Variants in EDEM1 observed in about 807,000 individuals in gnomAD.
The protein encoded by EDEM1 is ER degradation enhancing alpha-mannosidase like protein 1.
Under a neutral mutation model 74.4 loss-of-function variants are expected in EDEM1, and 67 were observed. That is an observed-to-expected ratio of 0.90 (90% CI 0.74 to 1.10). EDEM1 has a LOEUF of 1.10. EDEM1 is among the 50% of genes least tolerant of loss of function. The pLI is 0.00. For synonymous variants in EDEM1, 382 were observed against 335.9 expected (o/e 1.14, Z -1.50); for missense variants, 926 against 851.6 (o/e 1.09, Z -1.09).
At chr3:5,208,045 C>G (rs766152499) in intron 7 of EDEM1, 48 bp from the exon 8 acceptor site, 22 of 1,517,394 alleles carry the variant, frequency 1.4e-5, no homozygotes, top group Non-Finnish European at 1.9e-5. Flanking sequence ...CATGTCTTGT[C>G]ACTCTAGGAA....
rs145423678 is a variant in EDEM1 at position 5,215,729 on chromosome 3, T to C, written c.1885-100T>C. On this transcript the variant is annotated intron_variant, in intron 11 of 11. Coordinates refer to ENST00000256497, the MANE Select transcript of EDEM1 (RefSeq NM_014674.3). ...CACAACAGTTACTTCCAAACGTCAG[T>C]AGTTCACAGGCTGAGAAACCCTGGA... 1.6e-4 allele frequency: 171 copies of C among 1,087,408 alleles called. 1 individual carries two copies. The East Asian group carries it at 3.6e-3, about 23-fold the overall frequency. The allele number at this position is 1,087,408 out of a possible 1,614,324, so 67.4% of individuals were successfully genotyped here. A position where few individuals can be genotyped will look rare whatever the true frequency, so the allele number is the denominator to read the frequency against.
At position 5,195,327 on chromosome 3, in the gene EDEM1, A is replaced by C. The variant is rs369162205; in HGVS notation, c.582+46A>C. On this transcript the variant is annotated intron_variant, in intron 2 of 11. Transcript: ENST00000256497. ...AAAAAAATGAATTAAGATGTTTTAGAGTTGATTATCCCTAGTTCCCTCCAG... is the reference window on the plus strand; with the variant it reads ...AAAAAAATGAATTAAGATGTTTTAGCGTTGATTATCCCTAGTTCCCTCCAG... The C allele has an allele frequency of 4.1e-5, 53 of 1,285,148 alleles. No individual in the cohort carries two copies. In the African/African-American group the frequency reaches 6.6e-4, roughly 16 times the overall value. 79.6% of individuals were successfully genotyped at this position (1,285,148 alleles called of 1,614,324 possible).
intron 6 of EDEM1, 134 bp downstream of exon 6, chr3:5,205,375 G>T: frequency 1.1e-6 from 1 of 884,312 alleles, no homozygotes; most frequent in Non-Finnish European, 1.7e-6. Context: ...CTCCTAGTTT[G>T]TCAGTCATCT....
At chr3:5,213,590 T>C in intron 11 of EDEM1, 68 bp downstream of exon 11, 2 of 1,445,396 alleles carry the variant, frequency 1.4e-6, no homozygotes, top group South Asian at 1.4e-5. Flanking sequence ...TGCTTAGTTG[T>C]TCAGACTTCC....
At chr3:5,213,935 C>T (rs1335603438) in intron 11 of EDEM1, among the ~76,000 whole-genome samples, 5 of 152,112 alleles carry the variant, frequency 3.3e-5, no homozygotes, top group East Asian at 3.9e-4. Flanking sequence ...AGCTGGAGGC[C>T]GAGGGAGCCT....
At chr3:5,200,297 T>A (rs373831564) in intron 3 of EDEM1, among the ~76,000 whole-genome samples, 18 of 152,300 alleles carry the variant, frequency 1.2e-4, no homozygotes, top group African/African-American at 4.1e-4. Flanking sequence ...TGGTTTCCCT[T>A]TATAGTCTGA....
chr3:5,211,049 T>TTTCTGC (rs1178023150), intron 9 of EDEM1, 71 bp from the exon 10 acceptor site: 39 of 1,348,538 alleles, frequency 2.9e-5, no homozygotes, highest in Non-Finnish European at 3.9e-5. Context: ...TAAGAGAATG[T>TTTCTGC]TTCTGCTTCT....
chr3:5,188,504 C>G, intron 1 of EDEM1, 190 bp downstream of exon 1: 1 of 529,034 alleles, frequency 1.9e-6, no homozygotes, highest in Non-Finnish European at 2.9e-6. Context: ...CGGGGTGGGC[C>G]GGTGGCCTTC....
At position 5,203,168 on chromosome 3, in the gene EDEM1, C is replaced by T. The variant is rs112221106; in HGVS notation, c.1042+19C>T. The stretch of plus-strand genomic sequence containing the variant: ...TTACTAGGTGTGGCACCTTTCCTCG[C>T]CATTGGGACTGCACACTGCTTGGTC... On this transcript the variant is annotated intron_variant, in intron 5 of 11. Coordinates refer to ENST00000256497, the MANE Select transcript of EDEM1 (RefSeq NM_014674.3). The T allele has an allele frequency of 2.5e-5, 39 of 1,539,192 alleles. No individual in the cohort carries two copies. The African/African-American group carries it at 4.8e-4, about 19-fold the overall frequency.
At chr3:5,209,800 G>A (rs1015574964) in intron 8 of EDEM1, among the ~76,000 whole-genome samples, 5 of 152,166 alleles carry the variant, frequency 3.3e-5, no homozygotes, top group African/African-American at 1.2e-4. Flanking sequence ...TCTTTCCTGT[G>A]CCTGTGTCTT....
At chr3:5,198,662 CTTTTTTTTTTT>C (rs57260414) in intron 2 of EDEM1, among the ~76,000 whole-genome samples, 1 of 75,160 alleles carries the variant, frequency 1.3e-5, no homozygotes, top group African/African-American at 4.6e-5. Flanking sequence ...ACGTATATAG[CTTTTTTTTTTT>C]TTTTTTTTTT....
rs933243882 is a variant in EDEM1, at chr3:5,219,480, T to G, written c.*3562T>G. 6.6e-6 allele frequency: 1 copy of G among 152,122 alleles called. No homozygotes were observed. The highest frequency in any genetic ancestry group is 2.4e-5 in the African/African-American group (1 of 41,430). 9.4% of individuals were successfully genotyped at this position (152,122 alleles called of 1,614,324 possible). ...GAGGTGGGACGGGCTGGGCCCTGTG[T>G]CCCAGGTTTCACAGGGCTCAGGGTT... On this transcript the variant is annotated 3_prime_UTR_variant, in exon 12 of 12. Coordinates refer to ENST00000256497, the MANE Select transcript of EDEM1 (RefSeq NM_014674.3).
rs1156615982 is a variant in EDEM1, at chr3:5,189,989, GT to G, written c.509+1685del. 7.5e-4 allele frequency among the ~76,000 whole-genome samples: 58 copies of G among 77,386 alleles called. 1 individual carries two copies. The highest frequency in any genetic ancestry group is 1.9e-3 in the South Asian group (5 of 2,682). 50.8% of individuals were successfully genotyped at this position (77,386 alleles called of 152,430 possible). A position where few individuals can be genotyped will look rare whatever the true frequency, so the allele number is the denominator to read the frequency against. On this transcript the variant is annotated intron_variant, in intron 1 of 11. Coordinates refer to ENST00000256497, the MANE Select transcript of EDEM1 (RefSeq NM_014674.3). The stretch of plus-strand genomic sequence containing the variant: ...ACCTATAAATGTATTTTCTTTCTTA[GT>G]TTTTTTTTTGGGGGGGGGGATAAAC...
intron 9 of EDEM1, 46 bp from the exon 10 acceptor site, chr3:5,211,074 G>T (rs1575591618): frequency 1.3e-6 from 2 of 1,550,662 alleles, no homozygotes; most frequent in East Asian, 2.2e-5. Flanking sequence ...TGAATCAGCA[G>T]GTGGGAAGGA....
chr3:5,213,283 A>T, intron 10 of EDEM1, 36 bp from the exon 11 acceptor site: 1 of 1,589,734 alleles, frequency 6.3e-7, no homozygotes, highest in South Asian at 1.1e-5. Flanking sequence ...AGTGTGCTAC[A>T]ATTATTGGTT....
rs1236533153 is a variant in EDEM1, at chr3:5,219,741, G to A, written c.*3823G>A. ...AGTTGGAAACTCTGGGAAAACTTAC[G>A]GAAATACACAAATGCTTCTCTGTAA... On this transcript the variant is annotated 3_prime_UTR_variant, in exon 12 of 12. Coordinates refer to ENST00000256497, the MANE Select transcript of EDEM1 (RefSeq NM_014674.3). The A allele has an allele frequency of 7.9e-5, 12 of 152,546 alleles. No homozygotes were observed. Among genetic ancestry groups the A allele is most frequent in the African/African-American group, 2.7e-4 (11 of 41,422 alleles). 9.4% of individuals were successfully genotyped at this position (152,546 alleles called of 1,614,324 possible).
intron 3 of EDEM1, 46 bp downstream of exon 3, chr3:5,199,741 T>A (rs776258419): frequency 6.5e-7 from 1 of 1,539,932 alleles, no homozygotes; most frequent in Admixed American, 1.9e-5. Flanking sequence ...CTTCTTTTTA[T>A]GTGTTTAAAG....
chr3:5,199,226 G>A (rs1359303107), intron 2 of EDEM1, among the ~76,000 whole-genome samples: 2 of 152,158 alleles, frequency 1.3e-5, no homozygotes, highest in African/African-American at 2.4e-5. Context: ...TGTTTCTTCA[G>A]TTTTCTGATT....
chr3:5,211,035 C>A, intron 9 of EDEM1, 85 bp from the exon 10 acceptor site: 2 of 1,226,002 alleles, frequency 1.6e-6, no homozygotes, highest in Non-Finnish European at 2.4e-6. Context: ...GTTGATTATT[C>A]TGATAAGAGA....
Sources: allele counts gnomAD v4.1 joint callset (sites outside exome capture counted in the v4.1 genomes callset), GRCh38; gene constraint gnomAD v4.1.1; transcripts MANE v1.5; gene names NCBI Gene and HGNC (gene_info 2026-07-23, HGNC 2026-07-21).